The following METAP1D variants were observed in gnomAD, a reference collection of about 807,000 sequenced individuals.
METAP1D encodes the protein methionyl aminopeptidase type 1D, mitochondrial.
METAP1D carries 31 observed loss-of-function variants against 40.5 expected under a neutral mutation model. The ratio of observed to expected loss-of-function variants is 0.77; its 90% CI spans 0.58 to 1.03. The LOEUF (loss-of-function observed/expected upper bound fraction) is 1.03, where lower values mean the gene tolerates loss of function less well. Among genes scored for constraint, METAP1D ranks in the 50% least tolerant of loss-of-function variants. The pLI is 0.00. For missense variants in METAP1D, 411 were observed against 420.7 expected (o/e 0.98, Z 0.20); for synonymous variants, 151 against 146.4 (o/e 1.03, Z -0.22).
intron 6 of METAP1D, among the ~76,000 whole-genome samples, chr2:172,073,038 A>C (rs1690459344): frequency 6.6e-6 from 1 of 152,160 alleles, no homozygotes; most frequent in Non-Finnish European, 1.5e-5. Flanking sequence ...TTTAGTCACA[A>C]AAAAAACTTA....
intron 1 of METAP1D, among the ~76,000 whole-genome samples, chr2:172,021,541 CTG>C (rs1689008596): frequency 6.6e-6 from 1 of 152,176 alleles, no homozygotes; most frequent in African/African-American, 2.4e-5. Context: ...AAAACTAGAA[CTG>C]TGTGGTGATT....
chr2:172,076,803 T>C (rs561129107), intron 6 of METAP1D, among the ~76,000 whole-genome samples: 1 of 152,384 alleles, frequency 6.6e-6, no homozygotes, highest in Non-Finnish European at 1.5e-5. Context: ...GTTCTGTTAA[T>C]AATTGAAATA....
chr2:172,055,524 T>A (rs1243112430), intron 1 of METAP1D, among the ~76,000 whole-genome samples: 2 of 152,194 alleles, frequency 1.3e-5, no homozygotes, highest in Non-Finnish European at 2.9e-5. Context: ...GGCCCGCCCC[T>A]CTTTCTTTGC....
At chr2:172,061,178 C>T (rs1029672487) in intron 1 of METAP1D, among the ~76,000 whole-genome samples, 1 of 152,156 alleles carries the variant, frequency 6.6e-6, no homozygotes, top group African/African-American at 2.4e-5. Context: ...TTGGACATTG[C>T]CACATAAGGT....
Position 172,065,601 on chromosome 2 carries a change from T to C in METAP1D, c.349-3T>C. 1 of 1,611,116 alleles carries C rather than the reference T, an allele frequency of 6.2e-7. No individual in the cohort carries two copies. Among genetic ancestry groups the C allele is most frequent in the East Asian group, 2.2e-5 (1 of 44,834 alleles). ...TGCACAATTTCTTTATTTAACATTT[T>C]AGGTTGACATGACAACTGAAGAGAT... On this transcript the variant is annotated splice_polypyrimidine_tract_variant and splice_region_variant and intron_variant, in intron 3 of 9. Transcript: ENST00000315796.
At chr2:172,063,641 G>A (rs2105478274) in intron 2 of METAP1D, 70 bp from the exon 3 acceptor site, 1 of 1,180,100 alleles carries the variant, frequency 8.5e-7, no homozygotes, top group East Asian at 2.4e-5. Flanking sequence ...GCAGGAGGCT[G>A]TGTCTGAAAA....
intron 1 of METAP1D, among the ~76,000 whole-genome samples, chr2:172,031,846 G>C (rs1053276444): frequency 1.6e-4 from 25 of 152,198 alleles, no homozygotes; most frequent in African/African-American, 6.0e-4. Flanking sequence ...TGACTTTTCA[G>C]CCATGGGAAT....
chr2:172,054,032 A>AT (rs1379738173), intron 1 of METAP1D, among the ~76,000 whole-genome samples: 3 of 152,188 alleles, frequency 2.0e-5, no homozygotes, highest in Admixed American at 2.0e-4. Context: ...GAAAACTCAC[A>AT]TTTTCAGGGA....
At chr2:172,009,875 G>A (rs117987210) in intron 1 of METAP1D, among the ~76,000 whole-genome samples, 4,154 of 152,224 alleles carry the variant, frequency 0.027, 91 homozygotes, top group Admixed American at 0.043. Context: ...TGGTACAGAG[G>A]AGAAATCATC....
At chr2:172,052,232 G>A (rs1462460378) in intron 1 of METAP1D, among the ~76,000 whole-genome samples, 1 of 152,170 alleles carries the variant, frequency 6.6e-6, no homozygotes, top group Non-Finnish European at 1.5e-5. Context: ...GCCAAATGCT[G>A]TTAATTAGGC....
chr2:172,065,237 T>C (rs1690223623), intron 3 of METAP1D, among the ~76,000 whole-genome samples: 1 of 152,212 alleles, frequency 6.6e-6, no homozygotes, highest in Non-Finnish European at 1.5e-5. Context: ...TTTATTCACA[T>C]GCGCTGGGTA....
intron 1 of METAP1D, among the ~76,000 whole-genome samples, chr2:172,056,933 G>A (rs1690014701): frequency 6.6e-6 from 1 of 152,094 alleles, no homozygotes; most frequent in Non-Finnish European, 1.5e-5. Flanking sequence ...CATTCTAAAT[G>A]CTAACTAGTT....
chr2:172,080,076 GT>G, intron 8 of METAP1D, 51 bp from the exon 9 acceptor site: 2 of 1,494,982 alleles, frequency 1.3e-6, no homozygotes, highest in Admixed American at 3.7e-5. Context: ...CGGAAACAAT[GT>G]TTAACAAGAA....
In METAP1D at chr2:172,042,988, TGC is replaced by T. The variant is rs1274274252; in HGVS notation, c.41-18508_41-18507del. 2.0e-4 allele frequency among the ~76,000 whole-genome samples: 25 copies of T among 125,140 alleles called. 3 individuals are homozygous for T. The highest frequency in any genetic ancestry group is 6.5e-4 in the African/African-American group (25 of 38,404). 82.1% of individuals were successfully genotyped at this position (125,140 alleles called of 152,430 possible). A position where few individuals can be genotyped will look rare whatever the true frequency, so the allele number is the denominator to read the frequency against. On this transcript the variant is annotated intron_variant, in intron 1 of 9. Coordinates refer to ENST00000315796, the MANE Select transcript of METAP1D (RefSeq NM_199227.3). ...ATGCGTACATGTGCATACATATGTG[TGC>T]GTGTGTACACATATATGTGTATGTG...
In METAP1D at chr2:172,063,737, G is replaced by A. The variant is rs148901371; in HGVS notation, c.225G>A (p.Thr75=). The change falls in exon 3 of 10, where the codon ACG becomes ACA. Residue 75 remains threonine (T), a synonymous_variant. Coordinates refer to ENST00000315796, the MANE Select transcript of METAP1D (RefSeq NM_199227.3). ...ACATAAAGAAGCCAGACTATGTGACGACAGGCATTGTACCAGACTGGGGAG... is the reference window on the plus strand; with the variant it reads ...ACATAAAGAAGCCAGACTATGTGACAACAGGCATTGTACCAGACTGGGGAG... ...PKHIKKPDYV[T]TGIVPDWGDS... 4.2e-5 allele frequency: 67 copies of A among 1,613,670 alleles called. No individual in the cohort carries two copies. Among genetic ancestry groups the A allele is most frequent in the African/African-American group, 8.0e-5 (6 of 74,882 alleles).
At chr2:172,069,472 C>T (rs1690370596) in intron 5 of METAP1D, among the ~76,000 whole-genome samples, 2 of 151,920 alleles carry the variant, frequency 1.3e-5, no homozygotes, top group Non-Finnish European at 2.9e-5. Context: ...CATAGTCTTC[C>T]CTACTGTTTC....
chr2:172,008,748 G>C (rs1688646218), intron 1 of METAP1D, among the ~76,000 whole-genome samples: 1 of 152,036 alleles, frequency 6.6e-6, no homozygotes, highest in African/African-American at 2.4e-5. Flanking sequence ...GATGATGTGA[G>C]ATGATAAAAT....
intron 1 of METAP1D, among the ~76,000 whole-genome samples, chr2:172,056,260 TTTACTGAGC>T (rs1264695200): frequency 6.6e-6 from 1 of 152,194 alleles, no homozygotes; most frequent in Non-Finnish European, 1.5e-5. Flanking sequence ...CAACTCTCAT[TTTACTGAGC>T]TTCTGCATCT....
At position 172,080,615 on chromosome 2, in the gene METAP1D, A is replaced by T; in HGVS notation, c.*209A>T. On this transcript the variant is annotated 3_prime_UTR_variant, in exon 10 of 10. Coordinates refer to ENST00000315796, the MANE Select transcript of METAP1D (RefSeq NM_199227.3). ...GCTGGGGTCGCGCGGCTTTGGAAAA[A>T]CAAATCCTGGCCCTGGACTCGGTTT... The T allele has an allele frequency of 1.6e-6, 1 of 615,402 alleles. No individual in the cohort carries two copies. The highest frequency in any genetic ancestry group is 2.9e-6 in the Non-Finnish European group (1 of 349,990). 38.1% of individuals were successfully genotyped at this position (615,402 alleles called of 1,614,324 possible).
Sources: allele counts gnomAD v4.1 joint callset (sites outside exome capture counted in the v4.1 genomes callset), GRCh38; gene constraint gnomAD v4.1.1; transcripts MANE v1.5; gene names NCBI Gene and HGNC (gene_info 2026-07-23, HGNC 2026-07-21).